The following PCDHGA5 variants were observed in gnomAD, a reference collection of about 807,000 sequenced individuals.
PCDHGA5 encodes the protein protocadherin gamma subfamily A, 5.
PCDHGA5 carries 36 observed loss-of-function variants against 56.7 expected under a neutral mutation model. That is an observed-to-expected ratio of 0.64 (90% CI 0.49 to 0.84). The LOEUF (loss-of-function observed/expected upper bound fraction) is 0.84. Among genes scored for constraint, PCDHGA5 ranks in the 40% least tolerant of loss-of-function variants. The probability of loss-of-function intolerance (pLI) is 0.00; values close to 1 mark genes in which losing one functional copy is unlikely to be tolerated. For synonymous variants in PCDHGA5, 563 were observed against 520.2 expected (o/e 1.08, Z -1.12); for missense variants, 1,305 against 1,201.5 (o/e 1.09, Z -1.27).
In PCDHGA5 at chr5:141,431,940, T is replaced by G; in HGVS notation, c.2422-62867T>G. ...ATCCAAGGAAATCTGCCCTTTAAAT[T>G]AGAAAAATCTTACGGAAATTACTAT... On this transcript the variant is annotated intron_variant, in intron 1 of 3. Coordinates refer to ENST00000518069, the MANE Select transcript of PCDHGA5 (RefSeq NM_018918.3). The surrounding 1 kb of genome is among the most constrained non-coding windows in gnomAD (Gnocchi z 4.8). 2 of 1,614,132 alleles carry G rather than the reference T, an allele frequency of 1.2e-6. No homozygotes were observed. Among genetic ancestry groups the G allele is most frequent in the Non-Finnish European group, 1.7e-6 (2 of 1,179,998 alleles).
rs530404769 is a variant in PCDHGA5, at chr5:141,423,267, G to C, written c.2421+56516G>C. On this transcript the variant is annotated intron_variant, in intron 1 of 3. Coordinates refer to ENST00000518069, the MANE Select transcript of PCDHGA5 (RefSeq NM_018918.3). ...TCCTGGCGGACCTCGGCAGCCTCGA[G>C]TCTCTGGCTAACTCTGAAACCTCAG... The C allele has an allele frequency of 2.5e-6, 4 of 1,613,710 alleles. No individual in the cohort carries two copies. In the South Asian group the frequency reaches 4.4e-5, roughly 18 times the overall value.
At chr5:141,479,200 AAAGT>A (rs1430087636) in intron 1 of PCDHGA5, 5 of 152,466 alleles carry the variant, frequency 3.3e-5, no homozygotes, top group African/African-American at 1.2e-4. Flanking sequence ...AAAATACAGA[AAAGT>A]ATTTAAAAAA....
intron 1 of PCDHGA5, chr5:141,441,038 G>T (rs1263659082): frequency 1.3e-5 from 2 of 152,156 alleles, no homozygotes; most frequent in Non-Finnish European, 2.9e-5. Flanking sequence ...AAAACTTTAA[G>T]TACATTGGAC....
At chr5:141,495,779 C>A (rs529564820) in intron 2 of PCDHGA5, among the ~76,000 whole-genome samples, 53 of 152,094 alleles carry the variant, frequency 3.5e-4, no homozygotes, top group Non-Finnish European at 4.6e-4. Flanking sequence ...TCCTGGACCT[C>A]TTTTCTGTTT....
chr5:141,473,598 T>C (rs959841516), intron 1 of PCDHGA5, among the ~76,000 whole-genome samples: 8 of 152,066 alleles, frequency 5.3e-5, no homozygotes, highest in African/African-American at 1.9e-4. Flanking sequence ...CCTGTAGAAA[T>C]TAGCAAAGCA....
chr5:141,510,510 G>A (rs1042950478), intron 3 of PCDHGA5, among the ~76,000 whole-genome samples: 5 of 152,132 alleles, frequency 3.3e-5, no homozygotes, highest in Non-Finnish European at 5.9e-5. Context: ...CTGAGAGCCC[G>A]TGTCACAGCC....
chr5:141,428,307 C>A, intron 1 of PCDHGA5: 1 of 688,030 alleles, frequency 1.5e-6, no homozygotes, highest in South Asian at 1.6e-5. Flanking sequence ...TTTACCTGGT[C>A]GTGGCCTTGG....
chr5:141,399,999 A>G (rs1589395014), intron 1 of PCDHGA5: 1 of 1,612,302 alleles, frequency 6.2e-7, no homozygotes. Flanking sequence ...AGGTGCGCAC[A>G]GCGCGTGCCT....
intron 1 of PCDHGA5, among the ~76,000 whole-genome samples, chr5:141,444,241 G>A (rs1302797543): frequency 3.1e-5 from 4 of 130,308 alleles, no homozygotes; most frequent in Admixed American, 1.9e-4. Flanking sequence ...GCATGCTCTC[G>A]GCTCACTGCA....
At chr5:141,393,167 G>A (rs889451396) in intron 1 of PCDHGA5, 9 of 1,613,166 alleles carry the variant, frequency 5.6e-6, no homozygotes, top group Non-Finnish European at 7.6e-6. Flanking sequence ...AACTCTTTGG[G>A]GTAGAAATAG....
chr5:141,467,912 G>A (rs879405529), intron 1 of PCDHGA5, among the ~76,000 whole-genome samples: 1 of 152,086 alleles, frequency 6.6e-6, no homozygotes, highest in Admixed American at 6.6e-5. Context: ...GCCCACCTCA[G>A]CCTCCCAAAA....
intron 1 of PCDHGA5, chr5:141,409,496 C>CT (rs1276498782): frequency 6.2e-7 from 1 of 1,614,044 alleles, no homozygotes; most frequent in South Asian, 1.1e-5. Context: ...CAAGCCGCCT[C>CT]TTTCTTCCAG....
At chr5:141,465,840 A>G (rs1212861707) in intron 1 of PCDHGA5, among the ~76,000 whole-genome samples, 1 of 151,734 alleles carries the variant, frequency 6.6e-6, no homozygotes, top group Non-Finnish European at 1.5e-5. Context: ...ATTTCAACTG[A>G]GGCTGGGCCC....
chr5:141,381,826 C>CTTTTTTTTTTTTTTT (rs770630741), intron 1 of PCDHGA5, among the ~76,000 whole-genome samples: 9 of 74,290 alleles, frequency 1.2e-4, no homozygotes, highest in Middle Eastern at 7.9e-3. Flanking sequence ...CTTTCTTCTT[C>CTTTTTTTTTTTTTTT]TTTTTTTTTT....
rs368232567 is a variant in PCDHGA5, at chr5:141,371,262, C to G, written c.2421+4511C>G. The G allele has an allele frequency of 2.9e-5, 46 of 1,613,882 alleles. No individual in the cohort carries two copies. The African/African-American group carries it at 5.6e-4, about 20-fold the overall frequency. On this transcript the variant is annotated intron_variant, in intron 1 of 3. Transcript: ENST00000518069. ...CATCAATATTGGCAAGGAAGTGAGACAACTGTTCAAGCTGGACAGTAAAAC... is the reference window on the plus strand; with the variant it reads ...CATCAATATTGGCAAGGAAGTGAGAGAACTGTTCAAGCTGGACAGTAAAAC...
At chr5:141,462,019 C>T (rs1276421563) in intron 1 of PCDHGA5, among the ~76,000 whole-genome samples, 6 of 152,178 alleles carry the variant, frequency 3.9e-5, no homozygotes, top group Non-Finnish European at 8.8e-5. Flanking sequence ...GACGGGGTTT[C>T]TTCATGTTGG....
rs368621667 is a variant in PCDHGA5, at chr5:141,364,415, G to T, written c.85G>T (p.Gly29Trp). The T allele has an allele frequency of 2.9e-5, 47 of 1,612,964 alleles. No individual in the cohort carries two copies. Among genetic ancestry groups the T allele is most frequent in the Admixed American group, 1.2e-4 (7 of 59,934 alleles). Reference sequence around the variant, plus strand: ...GGGGACGCTGTGCGAGCCAGGATCCGGGCAGATCCGCTACTCGATGCCGGA... The same window carrying T: ...GGGGACGCTGTGCGAGCCAGGATCCTGGCAGATCCGCTACTCGATGCCGGA... The part of the protein sequence containing the change: ...LLGTLCEPGS[G>W]QIRYSMPEEL... Residue 29 changes from glycine to tryptophan, a missense_variant, in exon 1 of 4, where the codon GGG becomes TGG. By Grantham distance (184) the Gly-to-Trp change is radical (BLOSUM62 -2). Coordinates refer to ENST00000518069, the MANE Select transcript of PCDHGA5 (RefSeq NM_018918.3).
intron 1 of PCDHGA5, chr5:141,408,314 C>A (rs1408322838): frequency 1.2e-6 from 2 of 1,613,846 alleles, no homozygotes; most frequent in Admixed American, 3.3e-5. Context: ...CTACTCGATT[C>A]CGGAGGAGCT....
At chr5:141,458,264 G>A (rs1489144612) in intron 1 of PCDHGA5, among the ~76,000 whole-genome samples, 3 of 152,092 alleles carry the variant, frequency 2.0e-5, no homozygotes, top group Non-Finnish European at 2.9e-5. Flanking sequence ...GATGAGTGGA[G>A]GAACAACAGG....
Sources: gnomAD v4.1 joint callset for allele counts (sites outside exome capture counted in the v4.1 genomes callset) on GRCh38, gnomAD v4.1.1 for gene constraint, Gnocchi (gnomAD v3.1) non-coding constraint, MANE v1.5 for transcripts, NCBI Gene and HGNC (gene_info 2026-07-23, HGNC 2026-07-21) for gene names.